The following PKN3 variants were observed in gnomAD, a reference collection of about 807,000 sequenced individuals.
The protein encoded by PKN3 is protein kinase N3.
A neutral mutation model predicts 113.1 loss-of-function variants in PKN3; 91 were observed. The observed-to-expected ratio is 0.80, with a 90% CI of 0.68 to 0.96. PKN3 has a LOEUF of 0.96. Ranked by LOEUF, PKN3 falls within the 40% of genes least tolerant of loss-of-function variation. PKN3 has a pLI of 0.00. For missense variants in PKN3, 1,052 were observed against 1,202.2 expected, an observed-to-expected ratio of 0.88 and a Z score of 1.85; for synonymous variants, 467 against 499.0, an observed-to-expected ratio of 0.94 and a Z score of 0.85.
At chr9:128,718,496 T>A in intron 17 of PKN3, 53 bp from the exon 18 acceptor site, 2 of 1,591,988 alleles carry the variant, frequency 1.3e-6, no homozygotes, top group Admixed American at 3.3e-5. Context: ...GCCGTTACTG[T>A]TCCCTGGGTC....
chr9:128,709,414 G>A (rs1166457989), intron 6 of PKN3, among the ~76,000 whole-genome samples: 1 of 150,668 alleles, frequency 6.6e-6, no homozygotes, highest in Admixed American at 6.6e-5. Context: ...AGCCATGATC[G>A]CGCCACTGCA....
rs747733114 is a variant in PKN3, at chr9:128,713,683, G to T, written c.1236+41G>T. ...GCCCTCTGACTTGGTGGGACCCTGG[G>T]GCGTCAGGGCCAGGAAGGCCTTCAA... On this transcript the variant is annotated intron_variant, in intron 9 of 21. Transcript: ENST00000291906. 3.1e-6 allele frequency: 5 copies of T among 1,604,444 alleles called. No individual in the cohort carries two copies. The South Asian group carries it at 5.5e-5, about 18-fold the overall frequency.
At chr9:128,712,071 G>A (rs967999772) in intron 6 of PKN3, among the ~76,000 whole-genome samples, 10 of 152,214 alleles carry the variant, frequency 6.6e-5, no homozygotes, top group Middle Eastern at 3.4e-3. Flanking sequence ...CATCATGCCC[G>A]GCTGGTTTTT....
intron 6 of PKN3, among the ~76,000 whole-genome samples, chr9:128,712,688 A>G (rs1456644856): frequency 6.6e-6 from 1 of 152,142 alleles, no homozygotes; most frequent in Non-Finnish European, 1.5e-5. Context: ...TGGAGGGGAG[A>G]GCCAGTTGCT....
chr9:128,705,254 C>A, intron 1 of PKN3, 49 bp from the exon 2 acceptor site: 1 of 1,545,738 alleles, frequency 6.5e-7, no homozygotes, highest in South Asian at 1.2e-5. Context: ...CTGGTGGCCG[C>A]TGCACCCCAT....
intron 18 of PKN3, among the ~76,000 whole-genome samples, chr9:128,719,178 G>C (rs558495623): frequency 1.3e-5 from 2 of 151,120 alleles, no homozygotes; most frequent in South Asian, 4.2e-4. Context: ...TTACAGGCGT[G>C]AGCCACTGCG....
rs541119980 is a variant in PKN3, at chr9:128,708,493, A to G, written c.835+1088A>G. Among the ~76,000 whole-genome samples, 6 of 151,874 alleles carry G rather than the reference A, an allele frequency of 4.0e-5. No individual in the cohort carries two copies. In the South Asian group the frequency reaches 1.2e-3, roughly 32 times the overall value. On this transcript the variant is annotated intron_variant, in intron 6 of 21. Transcript: ENST00000291906. ...GGCACTTTGAGAGGCTGAGGTGGGA[A>G]GATTGCTTGAGCTCAGGAGTTTTTT...
chr9:128,715,053 C>T lies in PKN3; in HGVS notation c.1653-119C>T. On this transcript the variant is annotated intron_variant, in intron 13 of 21. Transcript: ENST00000291906. The surrounding 1 kb of genome is among the most constrained non-coding windows in gnomAD (Gnocchi z 4.1). The stretch of plus-strand genomic sequence containing the variant: ...GCTTCTAGGAGTCCTTACTGCAGGG[C>T]TTTTTCGAGCCCATAGGTCGGGACA... 1 of 1,178,132 alleles carries T rather than the reference C, an allele frequency of 8.5e-7. No individual in the cohort carries two copies. Among genetic ancestry groups the T allele is most frequent in the East Asian group, 2.4e-5 (1 of 42,428 alleles). 73.0% of individuals were successfully genotyped at this position (1,178,132 alleles called of 1,614,324 possible). A position where few individuals can be genotyped will look rare whatever the true frequency, so the allele number is the denominator to read the frequency against.
intron 1 of PKN3, among the ~76,000 whole-genome samples, chr9:128,704,898 A>G (rs1217696409): frequency 6.6e-6 from 1 of 151,712 alleles, no homozygotes; most frequent in African/African-American, 2.4e-5. Context: ...AGCCTGGGCA[A>G]CAAGAGCAAA....
At chr9:128,704,282 C>A (rs1181904593) in intron 1 of PKN3, among the ~76,000 whole-genome samples, 1 of 152,180 alleles carries the variant, frequency 6.6e-6, no homozygotes, top group Non-Finnish European at 1.5e-5. Flanking sequence ...CGTGAGAGAG[C>A]CTTCTACTTC....
intron 11 of PKN3, 70 bp downstream of exon 11, chr9:128,714,435 ATCTG>A (rs201639203): frequency 2.6e-5 from 36 of 1,373,294 alleles, no homozygotes; most frequent in African/African-American, 1.7e-4. Context: ...TCCAGGCGGT[ATCTG>A]TCTGTCTGTC....
rs770763996 is a variant in PKN3 at position 128,718,308 on chromosome 9, C to A, written c.1986-17C>A. 6.2e-7 allele frequency: 1 copy of A among 1,612,480 alleles called. No homozygotes were observed. Among genetic ancestry groups the A allele is most frequent in the Non-Finnish European group, 8.5e-7 (1 of 1,178,686 alleles). On this transcript the variant is annotated splice_polypyrimidine_tract_variant and intron_variant, in intron 16 of 21. Coordinates refer to ENST00000291906, the MANE Select transcript of PKN3 (RefSeq NM_013355.5). ...TGTGTGTCTTGGGCCTGAGTTCTCC[C>A]ATAACCACCCCTGCAGCTTCTACGT...
chr9:128,707,253 A>T lies in PKN3; in HGVS notation c.683A>T (p.Lys228Ile). 2 of 1,611,444 alleles carry T rather than the reference A, an allele frequency of 1.2e-6. No individual in the cohort carries two copies. The highest frequency in any genetic ancestry group is 1.7e-6 in the Non-Finnish European group (2 of 1,178,108). ...AQAQLQESSQKLDLLRLALEQ... is the reference protein window; with the variant it reads ...AQAQLQESSQILDLLRLALEQ... ...GCCCAGCTACAGGAGTCCTCTCAGAAACTGGACCTCCTGCGCCTGGCCTTG... is the reference window on the plus strand; with the variant it reads ...GCCCAGCTACAGGAGTCCTCTCAGATACTGGACCTCCTGCGCCTGGCCTTG... Residue 228 changes from lysine to isoleucine, a missense_variant, in exon 6 of 22, where the codon AAA becomes ATA. Lys to Ile is a moderately radical substitution (Grantham distance 102). This residue lies in a region of PKN3 where 719 missense variants were observed against 759.4 expected (regional missense o/e 0.95). Transcript: ENST00000291906.
Position 128,705,418 on chromosome 9 carries a change from G to A in PKN3, c.140G>A (p.Arg47His), listed in dbSNP as rs775416496. 12 of 1,593,874 alleles carry A rather than the reference G, an allele frequency of 7.5e-6. No homozygotes were observed. The highest frequency in any genetic ancestry group is 3.5e-5 in the Admixed American group (2 of 57,288). The change falls in exon 2 of 22, where the codon CGC (arginine) becomes CAC (histidine). Residue 47 changes from arginine to histidine, a missense_variant. Around this residue, in one of 2 missense-constraint regions of PKN3, gnomAD observed 719 missense variants for 759.4 expected, o/e 0.95. Coordinates refer to ENST00000291906, the MANE Select transcript of PKN3 (RefSeq NM_013355.5). ...VENLRRVATDRRHLGHVQQLL... is the reference protein window; with the variant it reads ...VENLRRVATDHRHLGHVQQLL... The stretch of plus-strand genomic sequence containing the variant: ...AACCTGCGGCGCGTGGCCACAGACC[G>A]CCGCCACTTGGGCCATGTGCAGCAG...
chr9:128,716,556 C>G (rs1447248720), intron 15 of PKN3, among the ~76,000 whole-genome samples, 191 bp from the exon 16 acceptor site: 1 of 151,418 alleles, frequency 6.6e-6, no homozygotes, highest in Non-Finnish European at 1.5e-5. Context: ...TGAGATCACA[C>G]CACAGCACTC....
chr9:128,706,991 CGGA>C lies in PKN3; in HGVS notation c.621_623del (p.Arg208del), dbSNP rs1564370855. 1.9e-6 allele frequency: 3 copies of C among 1,614,174 alleles called. No homozygotes were observed. Among genetic ancestry groups the C allele is most frequent in the Non-Finnish European group, 2.5e-6 (3 of 1,180,012 alleles). ...GAACGTGGTGAAACTGCTTAGTAGC[CGGA>C]GAACACAGGACCGCAAGGCACTGGC... On this transcript the variant is annotated inframe_deletion, in exon 5 of 22. Coordinates refer to ENST00000291906, the MANE Select transcript of PKN3 (RefSeq NM_013355.5).
chr9:128,717,693 G>A (rs1305766639), intron 16 of PKN3, among the ~76,000 whole-genome samples: 5 of 139,122 alleles, frequency 3.6e-5, no homozygotes, highest in Non-Finnish European at 7.7e-5. Flanking sequence ...CCGCCACTTC[G>A]GTCTGGCGAC....
intron 17 of PKN3, 63 bp from the exon 18 acceptor site, chr9:128,718,486 G>A (rs1383726687): frequency 1.3e-6 from 2 of 1,585,846 alleles, no homozygotes; most frequent in South Asian, 1.1e-5. Context: ...TGCTCCAGGG[G>A]CCGTTACTGT....
At chr9:128,716,999 T>C in intron 16 of PKN3, 76 bp downstream of exon 16, 1 of 1,247,270 alleles carries the variant, frequency 8.0e-7, no homozygotes, top group Non-Finnish European at 1.2e-6. Flanking sequence ...TACATACTGC[T>C]TTCTCCAAGT....
Sources: gnomAD v4.1 joint callset for allele counts (sites outside exome capture counted in the v4.1 genomes callset) on GRCh38, gnomAD v4.1.1 for gene constraint, gnomAD v4.1.1 regional missense constraint, Gnocchi (gnomAD v3.1) non-coding constraint, MANE v1.5 for transcripts, NCBI Gene and HGNC (gene_info 2026-07-23, HGNC 2026-07-21) for gene names.